HMGA2: variants seen among roughly 807,000 people sequenced by gnomAD.
HMGA2 encodes high mobility group AT-hook 2, also known as high mobility group protein HMGI-C.
HMGA2 carries 8 observed loss-of-function variants against 19.1 expected under a neutral mutation model. The observed-to-expected ratio is 0.42, with a 90% CI of 0.25 to 0.76. The LOEUF (loss-of-function observed/expected upper bound fraction) is 0.76. Among genes scored for constraint, HMGA2 ranks in the 30% least tolerant of loss-of-function variants. The pLI is 0.28. For missense variants in HMGA2, 109 were observed against 136.3 expected (o/e 0.80, Z 1.00); for synonymous variants, 60 against 48.8 (o/e 1.23, Z -0.96).
At chr12:65,955,511 A>G (rs1406855140) in intron 4 of HMGA2, 1 of 152,154 alleles carries the variant, frequency 6.6e-6, no homozygotes, top group Non-Finnish European at 1.5e-5. Flanking sequence ...CCTAAATGTA[A>G]TTCAGACATT....
chr12:65,953,195 T>G (rs1876513750), intron 4 of HMGA2: 1 of 152,170 alleles, frequency 6.6e-6, no homozygotes, highest in Non-Finnish European at 1.5e-5. Flanking sequence ...TTTTATGAAC[T>G]CCCTAAGTGA....
At chr12:65,950,345 C>T (rs372725027) in intron 3 of HMGA2, among the ~76,000 whole-genome samples, 2 of 152,176 alleles carry the variant, frequency 1.3e-5, no homozygotes, top group African/African-American at 4.8e-5. Flanking sequence ...ATGTGGTATA[C>T]CCATACAAGG....
chr12:65,859,173 C>G (rs139489474), intron 3 of HMGA2: 1 of 152,230 alleles, frequency 6.6e-6, no homozygotes, highest in African/African-American at 2.4e-5. Context: ...AGGTTCCTGT[C>G]CCACTACTTT....
At chr12:65,896,005 A>G (rs1874113318) in intron 3 of HMGA2, among the ~76,000 whole-genome samples, 1 of 152,228 alleles carries the variant, frequency 6.6e-6, no homozygotes, top group Non-Finnish European at 1.5e-5. Context: ...CTGTTTAACC[A>G]GGAAACTCAG....
intron 3 of HMGA2, chr12:65,842,563 G>T: frequency 6.8e-7 from 1 of 1,478,448 alleles, no homozygotes; most frequent in Non-Finnish European, 9.1e-7. Context: ...TAATACTAAA[G>T]AACATTTTAA....
At chr12:65,946,529 A>G (rs182256120) in intron 3 of HMGA2, among the ~76,000 whole-genome samples, 2 of 152,296 alleles carry the variant, frequency 1.3e-5, no homozygotes, top group Non-Finnish European at 1.5e-5. Context: ...TGTAAGCTCA[A>G]TTCAAGCCTC....
At chr12:65,914,767 C>G in intron 3 of HMGA2, 1 of 379,388 alleles carries the variant, frequency 2.6e-6, no homozygotes, top group Non-Finnish European at 5.1e-6. Flanking sequence ...CTCCACCTCC[C>G]AGGTTCAAGC....
chr12:65,870,745 C>T (rs1872670538), intron 3 of HMGA2, among the ~76,000 whole-genome samples: 1 of 152,162 alleles, frequency 6.6e-6, no homozygotes, highest in African/African-American at 2.4e-5. Flanking sequence ...CAAAACAAAA[C>T]AGCTGGAAGA....
At chr12:65,958,971 G>A (rs1474330276) in intron 4 of HMGA2, 2 of 152,172 alleles carry the variant, frequency 1.3e-5, no homozygotes, top group Non-Finnish European at 2.9e-5. Context: ...GTATTTCTTG[G>A]TTCCATTTAG....
intron 3 of HMGA2, among the ~76,000 whole-genome samples, chr12:65,872,240 C>T (rs1233265528): frequency 6.6e-6 from 1 of 152,164 alleles, no homozygotes. Context: ...GATGTCTCTT[C>T]TGAAATATCT....
At chr12:65,889,231 A>G (rs892062941) in intron 3 of HMGA2, among the ~76,000 whole-genome samples, 1 of 152,192 alleles carries the variant, frequency 6.6e-6, no homozygotes, top group Non-Finnish European at 1.5e-5. Context: ...GAATTAATAC[A>G]GGATCACTGT....
Position 65,964,702 on chromosome 12 carries a change from C to G in HMGA2, c.*1410C>G, listed in dbSNP as rs2121336004. ...TACAGTTAAAGAAGCAATCTCCTTACTGTGTTTCAGCATGACTATGTATTT... is the reference window on the plus strand; with the variant it reads ...TACAGTTAAAGAAGCAATCTCCTTAGTGTGTTTCAGCATGACTATGTATTT... On this transcript the variant is annotated 3_prime_UTR_variant, in exon 5 of 5. Transcript: ENST00000403681. 1 of 202,884 alleles carries G rather than the reference C, an allele frequency of 4.9e-6. No individual in the cohort carries two copies. Among genetic ancestry groups the G allele is most frequent in the East Asian group, 7.7e-5 (1 of 12,990 alleles). 12.6% of individuals were successfully genotyped at this position (202,884 alleles called of 1,614,324 possible).
rs538795949 is a variant in HMGA2 at position 65,965,564 on chromosome 12, A to G, written c.*2272A>G. The stretch of plus-strand genomic sequence containing the variant: ...GATCGCTCACTGTTGTGAATCACCA[A>G]AGGAGCTATGGAGAGAATTAAAACT... On this transcript the variant is annotated 3_prime_UTR_variant, in exon 5 of 5. Coordinates refer to ENST00000403681, the MANE Select transcript of HMGA2 (RefSeq NM_003483.6). 19 of 212,484 alleles carry G rather than the reference A, an allele frequency of 8.9e-5. No homozygotes were observed. Among genetic ancestry groups the G allele is most frequent in the Non-Finnish European group, 1.6e-4 (17 of 104,734 alleles). The allele number at this position is 212,484 out of a possible 1,614,324, so 13.2% of individuals were successfully genotyped here.
intron 3 of HMGA2, among the ~76,000 whole-genome samples, chr12:65,897,616 G>T (rs777194872): frequency 1.5e-4 from 23 of 152,200 alleles, no homozygotes; most frequent in Non-Finnish European, 2.6e-4. Flanking sequence ...CAAAAGGAAT[G>T]TTAGGTTAAG....
intron 3 of HMGA2, among the ~76,000 whole-genome samples, chr12:65,868,434 C>T (rs1872544973): frequency 6.6e-6 from 1 of 151,978 alleles, no homozygotes; most frequent in African/African-American, 2.4e-5. Context: ...AATATCATCC[C>T]GGATGCAGTC....
intron 3 of HMGA2, among the ~76,000 whole-genome samples, chr12:65,846,214 A>G (rs555196050): frequency 6.6e-6 from 1 of 152,318 alleles, no homozygotes; most frequent in Admixed American, 6.5e-5. Flanking sequence ...AAGTTAGTTA[A>G]AAAGTCTTTT....
chr12:65,890,588 G>A (rs1191536783), intron 3 of HMGA2, among the ~76,000 whole-genome samples: 2 of 152,044 alleles, frequency 1.3e-5, no homozygotes, highest in African/African-American at 4.8e-5. Context: ...CATATACCAT[G>A]AAAATCAGCA....
rs754349167 is a variant in HMGA2, at chr12:65,825,330, C to T, written c.60C>T (p.Ala20=). 1.3e-6 allele frequency: 2 copies of T among 1,538,488 alleles called. No homozygotes were observed. The highest frequency in any genetic ancestry group is 5.0e-5 in the East Asian group (2 of 40,274). ...CCACTTCAGCCCAGGGACAACCTGCCGCCCCAGCGCCTCAGAAGAGAGGAC... is the reference window on the plus strand; with the variant it reads ...CCACTTCAGCCCAGGGACAACCTGCTGCCCCAGCGCCTCAGAAGAGAGGAC... ...QPSTSAQGQP[A]APAPQKRGRG... is the part of the protein sequence containing the mutation. Residue 20 remains alanine (A), a synonymous_variant, in exon 1 of 5, where the codon GCC becomes GCT. Coordinates refer to ENST00000403681, the MANE Select transcript of HMGA2 (RefSeq NM_003483.6). The surrounding 1 kb of genome is among the most constrained non-coding windows in gnomAD (Gnocchi z 4.4).
intron 3 of HMGA2, among the ~76,000 whole-genome samples, chr12:65,912,690 T>C (rs1874898291): frequency 6.6e-6 from 1 of 152,218 alleles, no homozygotes; most frequent in East Asian, 1.9e-4. Flanking sequence ...GCATAGGTTT[T>C]GATTCTGGAA....
Sources: allele counts gnomAD v4.1 joint callset (sites outside exome capture counted in the v4.1 genomes callset), GRCh38; gene constraint gnomAD v4.1.1; non-coding constraint Gnocchi (gnomAD v3.1); transcripts MANE v1.5; gene names NCBI Gene and HGNC (gene_info 2026-07-23, HGNC 2026-07-21).